Variants in DNAH12 observed in about 807,000 individuals in gnomAD.
DNAH12 encodes the protein dynein axonemal heavy chain 12, also known as axonemal beta dynein heavy chain 12.
A neutral mutation model predicts 371.5 loss-of-function variants in DNAH12; 285 were observed. The observed-to-expected ratio is 0.77, with a 90% CI of 0.70 to 0.85. DNAH12 has a LOEUF of 0.85. Among genes scored for constraint, DNAH12 ranks in the 40% least tolerant of loss-of-function variants. The probability of loss-of-function intolerance (pLI) is 0.00; values close to 1 mark genes in which losing one functional copy is unlikely to be tolerated. For synonymous variants in DNAH12, 1,200 were observed against 1,213.0 expected (o/e 0.99, Z 0.22); for missense variants, 3,611 against 3,689.4 (o/e 0.98, Z 0.55).
At chr3:57,544,018 G>A (rs1431556514) in intron 1 of DNAH12, among the ~76,000 whole-genome samples, 179 bp downstream of exon 1, 1 of 152,182 alleles carries the variant, frequency 6.6e-6, no homozygotes, top group Non-Finnish European at 1.5e-5. Context: ...CCGCACTTCA[G>A]CCTGGGCGAT....
At chr3:57,542,167 G>GCC (rs2069319155) in intron 2 of DNAH12, among the ~76,000 whole-genome samples, 1 of 112,632 alleles carries the variant, frequency 8.9e-6, no homozygotes, top group South Asian at 3.0e-4. Context: ...GGGGGGGGGG[G>GCC]GGCGGTGAGT....
chr3:57,411,966 G>T (rs2064220699), intron 39 of DNAH12, among the ~76,000 whole-genome samples: 1 of 152,192 alleles, frequency 6.6e-6, no homozygotes. Context: ...TCTGGTACTG[G>T]CAAAGCAGAC....
At chr3:57,395,430 A>G (rs1279081925) in intron 43 of DNAH12, among the ~76,000 whole-genome samples, 1 of 152,302 alleles carries the variant, frequency 6.6e-6, no homozygotes, top group Admixed American at 6.5e-5. Flanking sequence ...TGTATTTTAA[A>G]TCATTAAATA....
At chr3:57,447,889 G>A (rs1384638510) in intron 25 of DNAH12, among the ~76,000 whole-genome samples, 1 of 152,014 alleles carries the variant, frequency 6.6e-6, no homozygotes, top group Non-Finnish European at 1.5e-5. Flanking sequence ...TGCCCAAGCT[G>A]GTCTCAAACT....
intron 12 of DNAH12, among the ~76,000 whole-genome samples, chr3:57,487,064 A>G (rs2066943571): frequency 6.6e-6 from 1 of 152,138 alleles, no homozygotes; most frequent in African/African-American, 2.4e-5. Flanking sequence ...TACTTTAGGA[A>G]TGGCAAACGA....
chr3:57,345,142 T>C (rs2062507901), intron 60 of DNAH12, among the ~76,000 whole-genome samples: 1 of 152,208 alleles, frequency 6.6e-6, no homozygotes, highest in African/African-American at 2.4e-5. Flanking sequence ...CGGTATATAC[T>C]GTATTTACCA....
At chr3:57,464,677 G>C (rs1219133072) in intron 17 of DNAH12, among the ~76,000 whole-genome samples, 1 of 152,142 alleles carries the variant, frequency 6.6e-6, no homozygotes, top group Non-Finnish European at 1.5e-5. Context: ...ACTCTAACCA[G>C]ACAGGGATAT....
rs755827112 is a variant in DNAH12, at chr3:57,445,401, C to A, written c.4198G>T (p.Ala1400Ser). 3 of 1,531,558 alleles carry A rather than the reference C, an allele frequency of 2.0e-6. No individual in the cohort carries two copies. Among genetic ancestry groups the A allele is most frequent in the Non-Finnish European group, 2.6e-6 (3 of 1,140,816 alleles). 94.9% of individuals were successfully genotyped at this position (1,531,558 alleles called of 1,614,324 possible). ...DNLKVLFRTV[A>S]MMVPNYALIA... The stretch of plus-strand genomic sequence containing the variant: ...AGCGCATAGTTTGGAACCATCATAG[C>A]CACTGTTCTAAAAAGAACCTGAAGT... The change falls in exon 28 of 74, where the codon GCT becomes TCT. Residue 1400 changes from alanine to serine, a missense_variant. Physicochemically the swap from Ala to Ser is moderately conservative, Grantham distance 99. Around this residue, in one of 3 missense-constraint regions of DNAH12, gnomAD observed 2,266 missense variants for 2,236.9 expected, o/e 1.01. Coordinates refer to ENST00000495027, the MANE Select transcript of DNAH12 (RefSeq NM_001366028.2).
intron 4 of DNAH12, among the ~76,000 whole-genome samples, chr3:57,511,417 T>G (rs1325714620): frequency 6.6e-6 from 1 of 152,062 alleles, no homozygotes; most frequent in Non-Finnish European, 1.5e-5. Context: ...TTTCATAAAT[T>G]CTCCCATAAG....
At chr3:57,484,074 C>T (rs17737949) in intron 12 of DNAH12, among the ~76,000 whole-genome samples, 3,638 of 151,260 alleles carry the variant, frequency 0.024, 65 homozygotes, top group Non-Finnish European at 0.034. Flanking sequence ...AAAATTTTAG[C>T]GACCTCTTCA....
chr3:57,401,332 C>T (rs2063853188), intron 43 of DNAH12, among the ~76,000 whole-genome samples: 1 of 150,414 alleles, frequency 6.6e-6, no homozygotes, highest in East Asian at 2.0e-4. Flanking sequence ...AGTGGATTGC[C>T]TGAGCTCAGG....
intron 34 of DNAH12, among the ~76,000 whole-genome samples, chr3:57,425,462 A>G (rs1024223157): frequency 6.6e-6 from 1 of 151,796 alleles, no homozygotes; most frequent in Admixed American, 6.6e-5. Context: ...AGAGTGCAGT[A>G]GTGTGATCAC....
At position 57,293,988 on chromosome 3, in the gene DNAH12, A is replaced by T. The variant is rs1017498515; in HGVS notation, c.11693-17T>A. On this transcript the variant is annotated splice_polypyrimidine_tract_variant and intron_variant, in intron 73 of 73. Coordinates refer to ENST00000495027, the MANE Select transcript of DNAH12 (RefSeq NM_001366028.2). ...ATTTTTGAGCTTGAAAAAAAAAAAG[A>T]AATATATTCACTTGATAAAGGGAAA... 7.0e-7 allele frequency: 1 copy of T among 1,438,088 alleles called. No individual in the cohort carries two copies. The highest frequency in any genetic ancestry group is 1.5e-5 in the African/African-American group (1 of 68,964). 89.1% of individuals were successfully genotyped at this position (1,438,088 alleles called of 1,614,324 possible).
chr3:57,380,929 A>G (rs1403512), intron 50 of DNAH12, among the ~76,000 whole-genome samples: 49,160 of 152,206 alleles, frequency 0.32, 8,927 homozygotes, highest in Non-Finnish European at 0.42. Flanking sequence ...TTTCTTTTGA[A>G]AACTTAAGCT....
chr3:57,531,636 T>G (rs1303608544), intron 2 of DNAH12, among the ~76,000 whole-genome samples: 1 of 151,770 alleles, frequency 6.6e-6, no homozygotes, highest in Non-Finnish European at 1.5e-5. Context: ...TGGCGGCATG[T>G]GCTGTAATCC....
Position 57,327,002 on chromosome 3 carries a change from A to G in DNAH12, c.9979-3383T>C, listed in dbSNP as rs540373943. Reference sequence around the variant, plus strand: ...TGGTAAAGGGATCAATTCAACAAGAAGAGCTAACTATCCTAAATATATATG... The same window carrying G: ...TGGTAAAGGGATCAATTCAACAAGAGGAGCTAACTATCCTAAATATATATG... On this transcript the variant is annotated intron_variant, in intron 62 of 73. Coordinates refer to ENST00000495027, the MANE Select transcript of DNAH12 (RefSeq NM_001366028.2). 7.3e-3 allele frequency among the ~76,000 whole-genome samples: 1,116 copies of G among 152,024 alleles called. 11 individuals carry two copies. The highest frequency in any genetic ancestry group is 0.025 in the African/African-American group (1,036 of 41,382).
intron 4 of DNAH12, 151 bp downstream of exon 4, chr3:57,523,432 G>T: frequency 1.6e-6 from 1 of 620,982 alleles, no homozygotes; most frequent in Admixed American, 3.6e-5. Flanking sequence ...TTCATGACAT[G>T]TTTGCTCCCT....
intron 59 of DNAH12, among the ~76,000 whole-genome samples, chr3:57,356,212 C>G (rs988751938): frequency 1.3e-5 from 2 of 151,980 alleles, no homozygotes; most frequent in African/African-American, 4.8e-5. Flanking sequence ...GATGCTGAGT[C>G]GGGCAGATTT....
chr3:57,362,076 A>C (rs2062949613), intron 58 of DNAH12, among the ~76,000 whole-genome samples: 1 of 144,764 alleles, frequency 6.9e-6, no homozygotes, highest in Non-Finnish European at 1.5e-5. Context: ...AAGTGTTCTC[A>C]TTGTTCAATT....
Sources: allele counts gnomAD v4.1 joint callset (sites outside exome capture counted in the v4.1 genomes callset), GRCh38; gene constraint gnomAD v4.1.1; regional missense constraint gnomAD v4.1.1; transcripts MANE v1.5; gene names NCBI Gene and HGNC (gene_info 2026-07-23, HGNC 2026-07-21).